The following FSTL5 variants were observed in gnomAD, a reference collection of about 807,000 sequenced individuals.
FSTL5 encodes the protein follistatin like 5, also known as follistatin-related protein 5.
A neutral mutation model predicts 89.1 loss-of-function variants in FSTL5; 62 were observed. The observed-to-expected ratio is 0.70, with a 90% CI of 0.57 to 0.86. The LOEUF (loss-of-function observed/expected upper bound fraction) is 0.86, where lower values mean the gene tolerates loss of function less well. Among genes scored for constraint, FSTL5 ranks in the 40% least tolerant of loss-of-function variants. The probability of loss-of-function intolerance (pLI) is 0.00; values close to 1 mark genes in which losing one functional copy is unlikely to be tolerated. For synonymous variants in FSTL5, 383 were observed against 346.2 expected, an observed-to-expected ratio of 1.11 and a Z score of -1.18; for missense variants, 1,057 against 1,001.6, an observed-to-expected ratio of 1.06 and a Z score of -0.75.
chr4:161,495,213 G>A (rs2126476259), intron 12 of FSTL5: 1 of 152,224 alleles, frequency 6.6e-6, no homozygotes, highest in South Asian at 2.1e-4. Flanking sequence ...TATGTGAAAA[G>A]CAGCAGCTAG....
chr4:161,715,325 C>T (rs780519292), intron 6 of FSTL5, among the ~76,000 whole-genome samples: 17 of 152,164 alleles, frequency 1.1e-4, no homozygotes, highest in Non-Finnish European at 2.2e-4. Flanking sequence ...GTTCAGAAAT[C>T]AAAGCAGATT....
chr4:161,751,381 C>A (rs1007101324), intron 6 of FSTL5, among the ~76,000 whole-genome samples: 1 of 152,084 alleles, frequency 6.6e-6, no homozygotes, highest in African/African-American at 2.4e-5. Context: ...TTGGAAAATC[C>A]TTTCCCTAAG....
chr4:161,427,576 C>T (rs545434531), intron 15 of FSTL5, among the ~76,000 whole-genome samples: 1 of 152,262 alleles, frequency 6.6e-6, no homozygotes, highest in African/African-American at 2.4e-5. Context: ...AGACCAGCAC[C>T]ACGGTCAGAC....
At chr4:161,489,318 G>A (rs1729787374) in intron 12 of FSTL5, among the ~76,000 whole-genome samples, 1 of 151,970 alleles carries the variant, frequency 6.6e-6, no homozygotes. Flanking sequence ...AATGTCTGTT[G>A]GGAAAGGTAA....
chr4:161,676,322 C>CA (rs879371205), intron 6 of FSTL5, among the ~76,000 whole-genome samples: 33 of 151,096 alleles, frequency 2.2e-4, no homozygotes, highest in Non-Finnish European at 3.8e-4. Context: ...ACTATGCAGT[C>CA]AAAAAAAAGG....
At chr4:161,793,613 A>T (rs1305861209) in intron 4 of FSTL5, among the ~76,000 whole-genome samples, 1 of 147,530 alleles carries the variant, frequency 6.8e-6, no homozygotes, top group Non-Finnish European at 1.5e-5. Context: ...CCATGTTGTC[A>T]TTTTTTTTTT....
intron 4 of FSTL5, among the ~76,000 whole-genome samples, chr4:161,883,498 A>G (rs1732701693): frequency 6.6e-6 from 1 of 152,190 alleles, no homozygotes; most frequent in Admixed American, 6.5e-5. Context: ...TTAAAATTCA[A>G]ATATAATGAA....
intron 4 of FSTL5, among the ~76,000 whole-genome samples, chr4:161,897,526 G>C (rs958575862): frequency 6.1e-5 from 8 of 131,678 alleles, no homozygotes; most frequent in Admixed American, 5.5e-4. Context: ...GGTGAGCCAA[G>C]ATCGTGCCAT....
chr4:161,607,274 G>A (rs977311658), intron 7 of FSTL5, among the ~76,000 whole-genome samples: 2 of 152,172 alleles, frequency 1.3e-5, no homozygotes, highest in Admixed American at 6.5e-5. Flanking sequence ...TGTTATATAT[G>A]AGGAATATAT....
At chr4:161,629,901 C>T (rs1035952551) in intron 7 of FSTL5, among the ~76,000 whole-genome samples, 2 of 152,158 alleles carry the variant, frequency 1.3e-5, no homozygotes, top group Non-Finnish European at 2.9e-5. Context: ...ACAGCCAGTG[C>T]GAGGCTGTCT....
At chr4:161,639,577 A>T (rs1735870757) in intron 7 of FSTL5, among the ~76,000 whole-genome samples, 1 of 152,200 alleles carries the variant, frequency 6.6e-6, no homozygotes, top group South Asian at 2.1e-4. Context: ...CTGTCTCTAC[A>T]CCTAGACAAT....
intron 7 of FSTL5, among the ~76,000 whole-genome samples, chr4:161,630,368 C>T (rs1735463935): frequency 6.6e-6 from 1 of 152,204 alleles, no homozygotes. Flanking sequence ...TGTTTTCTAT[C>T]AGCTACTATG....
intron 4 of FSTL5, among the ~76,000 whole-genome samples, chr4:161,784,234 C>T (rs1184902993): frequency 6.6e-6 from 1 of 152,016 alleles, no homozygotes; most frequent in Non-Finnish European, 1.5e-5. Context: ...CCATGCCTTG[C>T]CAATTATGTC....
intron 2 of FSTL5, among the ~76,000 whole-genome samples, chr4:162,036,730 A>C (rs758793884): frequency 1.3e-5 from 2 of 152,060 alleles, no homozygotes; most frequent in African/African-American, 2.4e-5. Context: ...TTTGGAAGGA[A>C]ATTTTCAATA....
intron 2 of FSTL5, among the ~76,000 whole-genome samples, chr4:162,078,825 T>A (rs1189467027): frequency 6.6e-6 from 1 of 151,724 alleles, no homozygotes; most frequent in Non-Finnish European, 1.5e-5. Flanking sequence ...CTCAAGAGAT[T>A]CTCTGGACTA....
rs578013516 is a variant in FSTL5 at position 161,527,954 on chromosome 4, A to G, written c.1312+10212T>C. On this transcript the variant is annotated intron_variant, in intron 10 of 15. Coordinates refer to ENST00000306100, the MANE Select transcript of FSTL5 (RefSeq NM_020116.5). ...ATGTGGCACATATACACCATGGAAT[A>G]CTATGCAGCCATAAAAAATGATGAG... Among the ~76,000 whole-genome samples, 4 of 150,332 alleles carry G rather than the reference A, an allele frequency of 2.7e-5. No homozygotes were observed. The South Asian group carries it at 8.4e-4, about 32-fold the overall frequency.
intron 7 of FSTL5, among the ~76,000 whole-genome samples, chr4:161,655,531 T>C (rs1434682076): frequency 6.6e-6 from 1 of 152,154 alleles, no homozygotes; most frequent in Non-Finnish European, 1.5e-5. Context: ...ATTAGAACAT[T>C]ATTGGTAAGT....
chr4:161,420,435 T>C (rs1427231533), intron 15 of FSTL5, among the ~76,000 whole-genome samples: 1 of 152,170 alleles, frequency 6.6e-6, no homozygotes, highest in Non-Finnish European at 1.5e-5. Flanking sequence ...TATCTTTAAG[T>C]ATCTTTTGAT....
chr4:162,157,764 G>C (rs1464543011), intron 1 of FSTL5, among the ~76,000 whole-genome samples: 3 of 152,028 alleles, frequency 2.0e-5, no homozygotes, highest in Admixed American at 2.0e-4. Flanking sequence ...CCAAAAACTT[G>C]TATAATGGGG....
Sources: allele counts gnomAD v4.1 joint callset (sites outside exome capture counted in the v4.1 genomes callset), GRCh38; gene constraint gnomAD v4.1.1; transcripts MANE v1.5; gene names NCBI Gene and HGNC (gene_info 2026-07-23, HGNC 2026-07-21).